PPP2R5C: variants seen among roughly 807,000 people sequenced by gnomAD.
PPP2R5C encodes the protein serine/threonine-protein phosphatase 2A 56 kDa regulatory subunit gamma isoform.
Under a neutral mutation model 68.9 loss-of-function variants are expected in PPP2R5C, and 7 were observed. The observed-to-expected ratio is 0.10, with a 90% CI of 0.06 to 0.19. The LOEUF (loss-of-function observed/expected upper bound fraction) is 0.19. PPP2R5C is among the 10% of genes least tolerant of loss of function. PPP2R5C has a pLI of 1.00. For missense variants in PPP2R5C, 348 were observed against 641.3 expected, an observed-to-expected ratio of 0.54 and a Z score of 4.94; for synonymous variants, 210 against 222.2, an observed-to-expected ratio of 0.95 and a Z score of 0.49.
intron 1 of PPP2R5C, among the ~76,000 whole-genome samples, chr14:101,814,656 A>G (rs541704686): frequency 2.0e-4 from 30 of 152,328 alleles, no homozygotes; most frequent in Non-Finnish European, 3.4e-4. Context: ...TATGTTGTGT[A>G]GAGGAATGAA....
chr14:101,857,770 T>G (rs1566912339), intron 2 of PPP2R5C, among the ~76,000 whole-genome samples: 1 of 152,234 alleles, frequency 6.6e-6, no homozygotes, highest in East Asian at 1.9e-4. Flanking sequence ...ACACACACAC[T>G]TACTGGGGAG....
chr14:101,817,196 T>G (rs2039773652), intron 1 of PPP2R5C, among the ~76,000 whole-genome samples: 2 of 152,062 alleles, frequency 1.3e-5, no homozygotes, highest in South Asian at 4.2e-4. Flanking sequence ...GACCTCGTGT[T>G]CCACCCGCCT....
At chr14:101,889,515 G>A (rs960329248) in intron 5 of PPP2R5C, among the ~76,000 whole-genome samples, 3 of 152,214 alleles carry the variant, frequency 2.0e-5, no homozygotes, top group Admixed American at 6.5e-5. Flanking sequence ...ACATAGTCAC[G>A]AGAAGTCCTT....
chr14:101,763,387 A>ATT (rs113474231), intron 2 of PPP2R5C, among the ~76,000 whole-genome samples: 9 of 130,560 alleles, frequency 6.9e-5, no homozygotes, highest in African/African-American at 2.0e-4. Context: ...CACCCAACAA[A>ATT]TTTTTTTTTT....
At chr14:101,798,747 C>T (rs1001832780) in intron 3 of PPP2R5C, among the ~76,000 whole-genome samples, 1 of 152,228 alleles carries the variant, frequency 6.6e-6, no homozygotes, top group African/African-American at 2.4e-5. Context: ...AGCAAAGCGC[C>T]CTTCCTTGGT....
At chr14:101,807,681 T>C (rs145146687), upstream of PPP2R5C, among the ~76,000 whole-genome samples, 1 of 152,256 alleles carries the variant, frequency 6.6e-6, no homozygotes, top group Non-Finnish European at 1.5e-5. Context: ...AGAGTCTGTT[T>C]TATCAATGAT....
Position 101,917,638 on chromosome 14 carries a change from ACT to A in PPP2R5C, c.1327-192_1327-191del. The A allele has an allele frequency of 1.6e-6, 1 of 628,736 alleles. No homozygotes were observed. Among genetic ancestry groups the A allele is most frequent in the Non-Finnish European group, 2.7e-6 (1 of 373,642 alleles). The allele number at this position is 628,736 out of a possible 1,614,324, so 38.9% of individuals were successfully genotyped here. On this transcript the variant is annotated intron_variant, in intron 12 of 13. Transcript: ENST00000334743. The surrounding 1 kb of genome is among the most constrained non-coding windows in gnomAD (Gnocchi z 4.4). ...GGGGACCAGCTGCTTTACTGTCTCC[ACT>A]GAGTGCTTTCTGGTTTCAGAAGTCA...
At chr14:101,816,289 T>C (rs1481161192) in intron 1 of PPP2R5C, among the ~76,000 whole-genome samples, 3 of 152,172 alleles carry the variant, frequency 2.0e-5, no homozygotes, top group Non-Finnish European at 2.9e-5. Context: ...GACCGCCAAG[T>C]GGTCTAAACG....
rs1448835035 is a variant in PPP2R5C at position 101,913,794 on chromosome 14, G to A, written c.1326+1321G>A. ...CTGAAGAGCCTCAGGCAAAGTGGGT[G>A]CTGATAGCCCTCAGGATTGTCAAGG... On this transcript the variant is annotated intron_variant, in intron 12 of 13. Transcript: ENST00000334743. This position sits in a 1 kb window ranked among gnomAD's most constrained non-coding sequence, Gnocchi z 4.1. Among the ~76,000 whole-genome samples the A allele has an allele frequency of 2.6e-5, 4 of 152,218 alleles. No individual in the cohort carries two copies. Among genetic ancestry groups the A allele is most frequent in the Non-Finnish European group, 5.9e-5 (4 of 68,042 alleles).
At chr14:101,855,532 G>A (rs1425705232) in intron 1 of PPP2R5C, among the ~76,000 whole-genome samples, 4 of 152,142 alleles carry the variant, frequency 2.6e-5, no homozygotes, top group Non-Finnish European at 4.4e-5. Flanking sequence ...TAAATCAAGT[G>A]GTCTACTTTG....
intron 3 of PPP2R5C, among the ~76,000 whole-genome samples, chr14:101,793,455 A>C (rs892554860): frequency 4.6e-5 from 7 of 152,216 alleles, no homozygotes; most frequent in African/African-American, 1.7e-4. Flanking sequence ...TGGCCCCTTC[A>C]GCGCCAGCAA....
In PPP2R5C at chr14:101,899,742, G is replaced by A. The variant is rs2045570802; in HGVS notation, c.853-1977G>A. Among the ~76,000 whole-genome samples the A allele has an allele frequency of 6.6e-6, 1 of 152,226 alleles. No homozygotes were observed. Among genetic ancestry groups the A allele is most frequent in the Admixed American group, 6.5e-5 (1 of 15,282 alleles). ...ATAGTGATTCCAATACACGCAAAGT[G>A]TGGTAGGAACACAATAAATACTTAT... On this transcript the variant is annotated intron_variant, in intron 8 of 13. Coordinates refer to ENST00000334743, the Ensembl canonical transcript of PPP2R5C. The surrounding 1 kb of genome is among the most constrained non-coding windows in gnomAD (Gnocchi z 4.2).
intron 1 of PPP2R5C, among the ~76,000 whole-genome samples, chr14:101,816,301 G>A (rs897943526): frequency 2.6e-5 from 4 of 152,144 alleles, no homozygotes; most frequent in East Asian, 3.9e-4. Flanking sequence ...GTCTAAACGT[G>A]GGATAAATCA....
intron 1 of PPP2R5C, among the ~76,000 whole-genome samples, chr14:101,842,352 C>T (rs1288173663): frequency 6.6e-6 from 1 of 152,176 alleles, no homozygotes; most frequent in Admixed American, 6.5e-5. Flanking sequence ...CCCACTGAAA[C>T]AGGAGGAGAG....
intron 2 of PPP2R5C, among the ~76,000 whole-genome samples, chr14:101,880,497 T>C (rs1045178083): frequency 2.0e-5 from 3 of 152,306 alleles, no homozygotes; most frequent in Non-Finnish European, 1.5e-5. Context: ...TCAATACCAG[T>C]AAAGAAGGGA....
intron 3 of PPP2R5C, among the ~76,000 whole-genome samples, chr14:101,803,486 A>T (rs1054720239): frequency 4.6e-5 from 7 of 152,132 alleles, no homozygotes; most frequent in African/African-American, 1.7e-4. Context: ...GCACTTTGGG[A>T]GGCCAAGGCA....
chr14:101,810,571 A>C (rs1182665661), intron 1 of PPP2R5C, among the ~76,000 whole-genome samples: 3 of 152,234 alleles, frequency 2.0e-5, no homozygotes, highest in Non-Finnish European at 4.4e-5. Context: ...CTGAGAGAGA[A>C]ATATGCTCCA....
chr14:101,875,336 C>T (rs188308707), intron 2 of PPP2R5C, among the ~76,000 whole-genome samples: 1 of 152,252 alleles, frequency 6.6e-6, no homozygotes, highest in East Asian at 1.9e-4. Flanking sequence ...ACTTCCCGGC[C>T]ACCCAGTCAT....
At chr14:101,851,817 T>C (rs181469026) in intron 1 of PPP2R5C, among the ~76,000 whole-genome samples, 15 of 152,334 alleles carry the variant, frequency 9.8e-5, no homozygotes, top group Admixed American at 8.5e-4. Context: ...TGGCTTCTTT[T>C]TTTCAATCAG....
Sources: gnomAD v4.1 joint callset for allele counts (sites outside exome capture counted in the v4.1 genomes callset) on GRCh38, gnomAD v4.1.1 for gene constraint, Gnocchi (gnomAD v3.1) non-coding constraint, MANE v1.5 for transcripts, NCBI Gene and HGNC (gene_info 2026-07-23, HGNC 2026-07-21) for gene names.